MGA: variants seen among roughly 807,000 people sequenced by gnomAD.
MGA encodes MAX dimerization protein MGA.
In MGA, 40 loss-of-function variants were observed where a neutral mutation model predicts 261.1. That is an observed-to-expected ratio of 0.15 (90% CI 0.12 to 0.20). MGA has a LOEUF of 0.20. Ranked by LOEUF, MGA falls within the 10% of genes least tolerant of loss-of-function variation. MGA has a pLI of 1.00. For missense variants in MGA, 3,397 were observed against 3,630.5 expected, an observed-to-expected ratio of 0.94 and a Z score of 1.65; for synonymous variants, 1,302 against 1,290.6, an observed-to-expected ratio of 1.01 and a Z score of -0.19.
chr15:41,759,181 A>G (rs2063313173), intron 19 of MGA, among the ~76,000 whole-genome samples: 4 of 152,196 alleles, frequency 2.6e-5, no homozygotes, highest in Non-Finnish European at 2.9e-5. Flanking sequence ...TAGAACAGCT[A>G]AAAGTAGTGA....
intron 2 of MGA, among the ~76,000 whole-genome samples, chr15:41,686,828 C>T (rs965780819): frequency 6.6e-6 from 1 of 151,994 alleles, no homozygotes; most frequent in Admixed American, 6.6e-5. Context: ...CTAAACATTA[C>T]CTGGCCATGA....
chr15:41,644,368 AAAG>A (rs983295596), intron 1 of MGA, among the ~76,000 whole-genome samples: 3 of 150,490 alleles, frequency 2.0e-5, no homozygotes, highest in African/African-American at 4.9e-5. Context: ...AAAAAAAAAA[AAAG>A]AAGGCCGGGT....
rs2063900266 is a variant in MGA, at chr15:41,768,331, G to A, written c.*1051G>A. 1 of 152,604 alleles carries A rather than the reference G, an allele frequency of 6.6e-6. No homozygotes were observed. The highest frequency in any genetic ancestry group is 2.4e-5 in the African/African-American group (1 of 41,432). 9.5% of individuals were successfully genotyped at this position (152,604 alleles called of 1,614,324 possible). A position where few individuals can be genotyped will look rare whatever the true frequency, so the allele number is the denominator to read the frequency against. ...GCAACCATGGATCCAATGATCTGTAGAGCTTTTTCACTCATTAACTGTCAG... is the reference window on the plus strand; with the variant it reads ...GCAACCATGGATCCAATGATCTGTAAAGCTTTTTCACTCATTAACTGTCAG... On this transcript the variant is annotated 3_prime_UTR_variant, in exon 24 of 24. Transcript: ENST00000219905.
Position 41,742,657 on chromosome 15 carries a change from A to G in MGA, c.4697A>G (p.Gln1566Arg). Residue 1566 changes from glutamine to arginine, a missense_variant, in exon 15 of 24, where the codon CAG becomes CGG. Physicochemically the swap from Gln to Arg is conservative, Grantham distance 43. This residue lies in a region of MGA where 1,410 missense variants were observed against 1,386.4 expected (regional missense o/e 1.02). Transcript: ENST00000219905. The stretch of plus-strand genomic sequence containing the variant: ...ACACCCCAAACCCTGGCAGGGACAC[A>G]GAAGTTCAGTATCAGACCTTCTCCA... 1 of 1,613,994 alleles carries G rather than the reference A, an allele frequency of 6.2e-7. No homozygotes were observed. Among genetic ancestry groups the G allele is most frequent in the East Asian group, 2.2e-5 (1 of 44,872 alleles).
chr15:41,669,272 T>C lies in MGA; in HGVS notation c.378T>C (p.Asp126=). 6.2e-7 allele frequency: 1 copy of C among 1,614,046 alleles called. No individual in the cohort carries two copies. ...ATTTGAAGTATATTCTTGTCATGGA[T>C]ATATCTCCTGTGGATAACCATCGTT... The change falls in exon 2 of 24, where the codon GAT becomes GAC. Residue 126 remains aspartate, a synonymous_variant. Transcript: ENST00000219905.
intron 10 of MGA, among the ~76,000 whole-genome samples, chr15:41,727,929 C>G (rs531461474): frequency 6.6e-6 from 1 of 152,294 alleles, no homozygotes; most frequent in South Asian, 2.1e-4. Flanking sequence ...TCCATGTGTC[C>G]TCCTAGTCCA....
chr15:41,714,242 T>C (rs1463040513), intron 9 of MGA, among the ~76,000 whole-genome samples: 1 of 152,236 alleles, frequency 6.6e-6, no homozygotes, highest in Non-Finnish European at 1.5e-5. Flanking sequence ...GTATGTTCCA[T>C]CATAACGTCA....
At chr15:41,660,893 T>C (rs2057358830) in intron 1 of MGA, among the ~76,000 whole-genome samples, 1 of 152,186 alleles carries the variant, frequency 6.6e-6, no homozygotes, top group African/African-American at 2.4e-5. Context: ...GCGTGACGAC[T>C]TCTCGCCCGG....
intron 1 of MGA, among the ~76,000 whole-genome samples, chr15:41,665,688 T>C (rs1235309238): frequency 6.6e-6 from 1 of 152,038 alleles, no homozygotes; most frequent in African/African-American, 2.4e-5. Context: ...ATTATAACTT[T>C]TTATTGAGAT....
intron 2 of MGA, 55 bp from the exon 3 acceptor site, chr15:41,696,020 C>G (rs1315526880): frequency 8.6e-7 from 1 of 1,163,860 alleles, no homozygotes; most frequent in South Asian, 1.8e-5. Flanking sequence ...CTCTTCAAGT[C>G]TTGTTAATGG....
chr15:41,728,557 A>G (rs1396312211), intron 10 of MGA, among the ~76,000 whole-genome samples: 1 of 152,204 alleles, frequency 6.6e-6, no homozygotes, highest in African/African-American at 2.4e-5. Context: ...AATGTTACTA[A>G]GAAAATAATA....
At position 41,735,253 on chromosome 15, in the gene MGA, T is replaced by C. The variant is rs553111855; in HGVS notation, c.3916+659T>C. On this transcript the variant is annotated intron_variant, in intron 12 of 23. Transcript: ENST00000219905. ...GGCCCTTGACATACCAGTACACTCATTGGGAAGCTGTGCTAAAGAAATCCA... is the reference window on the plus strand; with the variant it reads ...GGCCCTTGACATACCAGTACACTCACTGGGAAGCTGTGCTAAAGAAATCCA... Among the ~76,000 whole-genome samples the C allele has an allele frequency of 4.4e-4, 67 of 152,240 alleles. No individual in the cohort carries two copies. In the South Asian group the frequency reaches 0.011, roughly 24 times the overall value.
intron 9 of MGA, among the ~76,000 whole-genome samples, chr15:41,714,384 A>T (rs1456871391): frequency 6.6e-6 from 1 of 152,218 alleles, no homozygotes; most frequent in Non-Finnish European, 1.5e-5. Flanking sequence ...CTGTACGGTG[A>T]TGAACATCCA....
intron 1 of MGA, among the ~76,000 whole-genome samples, chr15:41,640,917 C>G (rs1339266001): frequency 6.6e-6 from 1 of 152,146 alleles, no homozygotes; most frequent in Non-Finnish European, 1.5e-5. Flanking sequence ...CATAGTAATG[C>G]ATCCATCACC....
chr15:41,643,321 A>G (rs1025035685), intron 1 of MGA, among the ~76,000 whole-genome samples: 1 of 150,612 alleles, frequency 6.6e-6, no homozygotes, highest in Non-Finnish European at 1.5e-5. Context: ...GCTCACTGCA[A>G]CCTCCGCCTC....
intron 14 of MGA, among the ~76,000 whole-genome samples, chr15:41,742,280 C>T (rs796619897): frequency 1.3e-5 from 2 of 151,774 alleles, no homozygotes; most frequent in Admixed American, 1.3e-4. Context: ...CCCAGCTACT[C>T]GGGAAGGCTG....
intron 2 of MGA, among the ~76,000 whole-genome samples, chr15:41,689,246 A>G (rs2059130439): frequency 6.7e-6 from 1 of 149,042 alleles, no homozygotes; most frequent in Non-Finnish European, 1.5e-5. Context: ...GTTGGTGTGT[A>G]CCCTCTCCCT....
intron 5 of MGA, among the ~76,000 whole-genome samples, chr15:41,700,674 T>A (rs976149312): frequency 1.1e-4 from 16 of 152,212 alleles, no homozygotes; most frequent in African/African-American, 3.9e-4. Context: ...AAAAAACATA[T>A]CTACTATGGT....
rs1595985786 is a variant in MGA, at chr15:41,753,752, T to C, written c.7009-685T>C. On this transcript the variant is annotated intron_variant, in intron 17 of 23. Transcript: ENST00000219905. Reference sequence around the variant, plus strand: ...CCTTAAAGTGGCACTTGAATTTTTCTCCTTTCTATATTTCTTTCACCAAAT... The same window carrying C: ...CCTTAAAGTGGCACTTGAATTTTTCCCCTTTCTATATTTCTTTCACCAAAT... 4.6e-5 allele frequency among the ~76,000 whole-genome samples: 7 copies of C among 152,204 alleles called. No individual in the cohort carries two copies. In the South Asian group the frequency reaches 1.4e-3, roughly 31 times the overall value.
Sources: gnomAD v4.1 joint callset for allele counts (sites outside exome capture counted in the v4.1 genomes callset) on GRCh38, gnomAD v4.1.1 for gene constraint, gnomAD v4.1.1 regional missense constraint, MANE v1.5 for transcripts, NCBI Gene and HGNC (gene_info 2026-07-23, HGNC 2026-07-21) for gene names.